ADAMTS16: variants seen among roughly 807,000 people sequenced by gnomAD.
ADAMTS16 encodes the protein ADAM metallopeptidase with thrombospondin type 1 motif 16, also known as A disintegrin and metalloproteinase with thrombospondin motifs 16.
A neutral mutation model predicts 145.8 loss-of-function variants in ADAMTS16; 94 were observed. The ratio of observed to expected loss-of-function variants is 0.64; its 90% confidence interval spans 0.55 to 0.77. The LOEUF (loss-of-function observed/expected upper bound fraction) is 0.77, where lower values mean the gene tolerates loss of function less well. ADAMTS16 is among the 30% of genes least tolerant of loss of function. The probability of loss-of-function intolerance (pLI) is 0.00; values close to 1 mark genes in which losing one functional copy is unlikely to be tolerated. For missense variants in ADAMTS16, 1,585 were observed against 1,591.5 expected (o/e 1.00, Z 0.07); for synonymous variants, 659 against 604.3 (o/e 1.09, Z -1.33).
At chr5:5,244,245 C>T (rs1737375786) in intron 17 of ADAMTS16, among the ~76,000 whole-genome samples, 1 of 152,230 alleles carries the variant, frequency 6.6e-6, no homozygotes, top group Non-Finnish European at 1.5e-5. Context: ...CGATCCTCCT[C>T]TGTTTTCGTA....
In ADAMTS16 at chr5:5,269,137, T is replaced by C. The variant is rs1738370335; in HGVS notation, c.2789+6354T>C. Among the ~76,000 whole-genome samples the C allele has an allele frequency of 6.6e-6, 1 of 152,108 alleles. No individual in the cohort carries two copies. Among genetic ancestry groups the C allele is most frequent in the African/African-American group, 2.4e-5 (1 of 41,396 alleles). ...TGCTTCAAGATCCACACTGAAGTTG[T>C]CCTTCTGTCTCACTGCATGGCTGAT... is the stretch of plus-strand genomic sequence containing the variant. On this transcript the variant is annotated intron_variant, in intron 18 of 22. Coordinates refer to ENST00000274181, the MANE Select transcript of ADAMTS16 (RefSeq NM_139056.4). The surrounding 1 kb of genome is among the most constrained non-coding windows in gnomAD (Gnocchi z 4.3).
chr5:5,244,417 T>G (rs906967716), intron 17 of ADAMTS16, among the ~76,000 whole-genome samples: 9 of 152,174 alleles, frequency 5.9e-5, no homozygotes, highest in African/African-American at 2.2e-4. Flanking sequence ...GTCAAAACCT[T>G]CGACAGGGTA....
At chr5:5,274,719 C>T (rs988922751) in intron 18 of ADAMTS16, among the ~76,000 whole-genome samples, 3 of 123,690 alleles carry the variant, frequency 2.4e-5, no homozygotes, top group African/African-American at 9.4e-5. Context: ...TATATGCATA[C>T]ACACACATGC....
At chr5:5,308,169 C>G (rs1261482343) in intron 21 of ADAMTS16, among the ~76,000 whole-genome samples, 3 of 152,218 alleles carry the variant, frequency 2.0e-5, no homozygotes, top group Non-Finnish European at 4.4e-5. Context: ...CCCGCATCCT[C>G]CGTGGTTTCC....
In ADAMTS16 at chr5:5,212,196, TTTGTTTTG is replaced by T. The variant is rs1560951014; in HGVS notation, c.1605+2953_1605+2960del. ...AGTACTATTAGTTTCTGGGGTTTTT[TTTGTTTTG>T]TTTTGTTTTGTTTTTTTTTTTGAGA... On this transcript the variant is annotated intron_variant, in intron 10 of 22. Transcript: ENST00000274181. Among the ~76,000 whole-genome samples, 74 of 105,918 alleles carry T rather than the reference TTTGTTTTG, an allele frequency of 7.0e-4. 1 individual carries two copies. The highest frequency in any genetic ancestry group is 6.8e-3 in the Admixed American group (63 of 9,238). The allele number at this position is 105,918 out of a possible 152,430, so 69.5% of individuals were successfully genotyped here. A position where few individuals can be genotyped will look rare whatever the true frequency, so the allele number is the denominator to read the frequency against.
At position 5,280,337 on chromosome 5, in the gene ADAMTS16, C is replaced by T. The variant is rs998541511; in HGVS notation, c.2789+17554C>T. Among the ~76,000 whole-genome samples, 7 of 152,258 alleles carry T rather than the reference C, an allele frequency of 4.6e-5. No individual in the cohort carries two copies. The East Asian group carries it at 5.8e-4, about 13-fold the overall frequency. On this transcript the variant is annotated intron_variant, in intron 18 of 22. Coordinates refer to ENST00000274181, the MANE Select transcript of ADAMTS16 (RefSeq NM_139056.4). Reference sequence around the variant, plus strand: ...ATTTCTCTAGAGAAGGATCCTGTGGCGGAGTGAAGGACAATGGAGGGGTGT... The same window carrying T: ...ATTTCTCTAGAGAAGGATCCTGTGGTGGAGTGAAGGACAATGGAGGGGTGT...
chr5:5,262,606 C>T (rs773338987), intron 17 of ADAMTS16, 51 bp from the exon 18 acceptor site: 5 of 1,580,568 alleles, frequency 3.2e-6, no homozygotes, highest in Non-Finnish European at 4.3e-6. Context: ...CTGCCTTTTA[C>T]TGTGGGGCAT....
chr5:5,211,210 A>G (rs931932647), intron 10 of ADAMTS16, among the ~76,000 whole-genome samples: 3 of 152,166 alleles, frequency 2.0e-5, no homozygotes, highest in Non-Finnish European at 4.4e-5. Context: ...AGCTCTGTCT[A>G]TGGAAAGGTT....
At chr5:5,276,070 G>T (rs1275625425) in intron 18 of ADAMTS16, among the ~76,000 whole-genome samples, 1 of 151,968 alleles carries the variant, frequency 6.6e-6, no homozygotes, top group Non-Finnish European at 1.5e-5. Context: ...TGTTGGTCAG[G>T]CTGGTCTTGA....
At chr5:5,191,850 A>C (rs1027842619) in intron 8 of ADAMTS16, 60 bp downstream of exon 8, 4 of 1,284,690 alleles carry the variant, frequency 3.1e-6, no homozygotes, top group Non-Finnish European at 3.3e-6. Context: ...GATGATTTCC[A>C]TGGAAATATT....
At chr5:5,282,623 C>T (rs994190366) in intron 18 of ADAMTS16, among the ~76,000 whole-genome samples, 1 of 152,316 alleles carries the variant, frequency 6.6e-6, no homozygotes, top group African/African-American at 2.4e-5. Flanking sequence ...GGAAAGCCCA[C>T]CTCTCAACAC....
chr5:5,172,752 G>C, intron 3 of ADAMTS16, among the ~76,000 whole-genome samples: 1 of 151,758 alleles, frequency 6.6e-6, no homozygotes, highest in Non-Finnish European at 1.5e-5. Context: ...TATCTATTAG[G>C]TTCATTTAGT....
At chr5:5,301,579 G>C (rs1248317439) in intron 18 of ADAMTS16, among the ~76,000 whole-genome samples, 1 of 152,180 alleles carries the variant, frequency 6.6e-6, no homozygotes, top group African/African-American at 2.4e-5. Context: ...CCATTCTCGA[G>C]AACACTTCTC....
chr5:5,161,003 C>A (rs1734729632), intron 3 of ADAMTS16, among the ~76,000 whole-genome samples: 1 of 152,158 alleles, frequency 6.6e-6, no homozygotes, highest in Admixed American at 6.5e-5. Flanking sequence ...GTAAAAATAT[C>A]TTAAAAGCCC....
chr5:5,222,763 A>T lies in ADAMTS16; in HGVS notation c.1606-26A>T, dbSNP rs551006006. 2.5e-6 allele frequency: 4 copies of T among 1,575,856 alleles called. No individual in the cohort carries two copies. In the Admixed American group the frequency reaches 6.7e-5, roughly 26 times the overall value. ...TGAATTGACAATATGATGTAATCCT[A>T]ATGACCTTTTACAAAATTTCTTTAG... On this transcript the variant is annotated intron_variant, in intron 10 of 22. Coordinates refer to ENST00000274181, the MANE Select transcript of ADAMTS16 (RefSeq NM_139056.4).
intron 17 of ADAMTS16, among the ~76,000 whole-genome samples, chr5:5,243,950 C>T (rs1460115315): frequency 6.6e-6 from 1 of 152,150 alleles, no homozygotes; most frequent in South Asian, 2.1e-4. Context: ...AATCCATTCC[C>T]AAATCACTTT....
chr5:5,174,128 C>T (rs571851731), intron 3 of ADAMTS16, among the ~76,000 whole-genome samples: 39 of 152,272 alleles, frequency 2.6e-4, no homozygotes, highest in African/African-American at 8.9e-4. Flanking sequence ...TCTTGGATGA[C>T]AGGTCTGGTG....
intron 6 of ADAMTS16, among the ~76,000 whole-genome samples, chr5:5,189,607 A>G (rs1735601539): frequency 6.6e-6 from 1 of 152,248 alleles, no homozygotes; most frequent in Admixed American, 6.5e-5. Context: ...ATATGTATGT[A>G]CAAAGCCATG....
chr5:5,157,808 A>G (rs1276553334), intron 3 of ADAMTS16, among the ~76,000 whole-genome samples: 2 of 152,218 alleles, frequency 1.3e-5, no homozygotes, highest in Non-Finnish European at 2.9e-5. Flanking sequence ...ACAGTTGTTG[A>G]GAACTTTTTC....
Sources: allele counts gnomAD v4.1 joint callset (sites outside exome capture counted in the v4.1 genomes callset), GRCh38; gene constraint gnomAD v4.1.1; non-coding constraint Gnocchi (gnomAD v3.1); transcripts MANE v1.5; gene names NCBI Gene and HGNC (gene_info 2026-07-23, HGNC 2026-07-21).